Variants in DDHD1 observed in about 807,000 individuals in gnomAD.
The protein encoded by DDHD1 is phospholipase DDHD1.
In DDHD1, 49 loss-of-function variants were observed where a neutral mutation model predicts 96.4. The observed-to-expected ratio is 0.51, with a 90% confidence interval of 0.40 to 0.64. The LOEUF is 0.64. DDHD1 is among the 30% of genes least tolerant of loss of function. DDHD1 has a pLI of 0.00. For synonymous variants in DDHD1, 442 were observed against 446.5 expected, an observed-to-expected ratio of 0.99 and a Z score of 0.13; for missense variants, 1,106 against 1,161.2, an observed-to-expected ratio of 0.95 and a Z score of 0.69.
intron 4 of DDHD1, among the ~76,000 whole-genome samples, chr14:53,090,917 G>A (rs1358326075): frequency 6.6e-6 from 1 of 151,932 alleles, no homozygotes; most frequent in African/African-American, 2.4e-5. Context: ...TCCGTTAGCT[G>A]GCATTAAGAG....
Position 53,087,199 on chromosome 14 carries a change from T to C in DDHD1, c.1289+4586A>G, listed in dbSNP as rs138285425. On this transcript the variant is annotated intron_variant, in intron 4 of 12. Transcript: ENST00000673822. ...CCCTACAAAGAGACTTAGACTCCCA[T>C]AGAATAATAATGGGAGACTTTAACA... Among the ~76,000 whole-genome samples, 427 of 151,904 alleles carry C rather than the reference T, an allele frequency of 2.8e-3. 4 individuals carry two copies. The highest frequency in any genetic ancestry group is 9.9e-3 in the African/African-American group (411 of 41,408).
In DDHD1 at chr14:53,056,088, A is replaced by G. The variant is rs1959352; in HGVS notation, c.1993-176T>C. 0.87 allele frequency among the ~76,000 whole-genome samples: 133,121 copies of G among 152,140 alleles called. 58,319 individuals are homozygous for G. The highest frequency in any genetic ancestry group is 0.98 in the East Asian group (5,088 of 5,184). ...TTTGTTCACTGTTAATATGCACTTG[A>G]TCTAATGATGAGATTATGAAAAACA... On this transcript the variant is annotated intron_variant, in intron 9 of 12. Coordinates refer to ENST00000673822, the MANE Select transcript of DDHD1 (RefSeq NM_001160148.2).
At chr14:53,139,090 A>ACAC (rs1491184035) in intron 1 of DDHD1, among the ~76,000 whole-genome samples, 16 of 142,068 alleles carry the variant, frequency 1.1e-4, no homozygotes, top group African/African-American at 3.7e-4. Flanking sequence ...AAAAAAAAAA[A>ACAC]CCACACCCAC....
chr14:53,106,872 GT>G (rs1887725778), intron 1 of DDHD1, among the ~76,000 whole-genome samples: 1 of 152,128 alleles, frequency 6.6e-6, no homozygotes, highest in Non-Finnish European at 1.5e-5. Context: ...TTGAGTTATG[GT>G]TTAATTAGTT....
At position 53,061,233 on chromosome 14, in the gene DDHD1, C is replaced by T. The variant is rs571118016; in HGVS notation, c.1767-32G>A. The T allele has an allele frequency of 2.1e-5, 33 of 1,548,348 alleles. 1 individual carries two copies. In the South Asian group the frequency reaches 2.7e-4, roughly 13 times the overall value. On this transcript the variant is annotated intron_variant, in intron 7 of 12. Transcript: ENST00000673822. ...AGGGGTATGAGATTATATACACACA[C>T]GTATTTATAATTTCATAAATATTAG...
intron 12 of DDHD1, among the ~76,000 whole-genome samples, chr14:53,047,830 T>C (rs959567784): frequency 1.3e-5 from 2 of 152,176 alleles, no homozygotes; most frequent in East Asian, 1.9e-4. Flanking sequence ...CTTAAGAATA[T>C]GACATTTTGA....
intron 2 of DDHD1, among the ~76,000 whole-genome samples, chr14:53,100,144 T>C (rs1458457342): frequency 1.3e-5 from 2 of 152,064 alleles, no homozygotes; most frequent in South Asian, 2.1e-4. Flanking sequence ...CATCACATAG[T>C]ATTAGGTATC....
At chr14:53,116,867 C>A (rs997478048) in intron 1 of DDHD1, among the ~76,000 whole-genome samples, 2 of 151,878 alleles carry the variant, frequency 1.3e-5, no homozygotes, top group African/African-American at 4.8e-5. Flanking sequence ...AGAAATAGAG[C>A]AGAACTAAAG....
At chr14:53,140,980 T>C (rs1890604345) in intron 1 of DDHD1, among the ~76,000 whole-genome samples, 3 of 152,202 alleles carry the variant, frequency 2.0e-5, no homozygotes, top group East Asian at 1.9e-4. Flanking sequence ...AAGGGGGATA[T>C]TTCAAAGTGA....
At chr14:53,093,516 T>C in intron 2 of DDHD1, 72 bp from the exon 3 acceptor site, 1 of 1,551,588 alleles carries the variant, frequency 6.4e-7, no homozygotes, top group East Asian at 2.3e-5. Context: ...ATTATAACAC[T>C]CAGATTTTAA....
rs1272075293 is a variant in DDHD1, at chr14:53,042,905, C to T, written c.*3863G>A. Reference sequence around the variant, plus strand: ...GAAGAGCAATTTTAATACATACACTCAAATTAGTTTTCTCGATTGTCCACA... The same window carrying T: ...GAAGAGCAATTTTAATACATACACTTAAATTAGTTTTCTCGATTGTCCACA... On this transcript the variant is annotated 3_prime_UTR_variant, in exon 13 of 13. Coordinates refer to ENST00000673822, the MANE Select transcript of DDHD1 (RefSeq NM_001160148.2). The T allele has an allele frequency of 6.6e-6, 1 of 152,188 alleles. No individual in the cohort carries two copies. Among genetic ancestry groups the T allele is most frequent in the Admixed American group, 6.5e-5 (1 of 15,280 alleles). The allele number at this position is 152,188 out of a possible 1,614,324, so 9.4% of individuals were successfully genotyped here.
At chr14:53,049,657 CAAA>C (rs11323291) in intron 12 of DDHD1, among the ~76,000 whole-genome samples, 16 of 84,720 alleles carry the variant, frequency 1.9e-4, no homozygotes, top group Admixed American at 2.6e-4. Context: ...TGAGCTAGGT[CAAA>C]AAAAAAAAAA....
At chr14:53,107,020 A>G (rs529117301) in intron 1 of DDHD1, among the ~76,000 whole-genome samples, 1 of 152,274 alleles carries the variant, frequency 6.6e-6, no homozygotes, top group East Asian at 1.9e-4. Flanking sequence ...GGCTCTTATT[A>G]GATTTTTATT....
intron 6 of DDHD1, among the ~76,000 whole-genome samples, chr14:53,067,274 T>C (rs1399489493): frequency 6.6e-6 from 1 of 151,824 alleles, no homozygotes; most frequent in Non-Finnish European, 1.5e-5. Context: ...TTCTTCTGCC[T>C]TACCCTCACC....
chr14:53,066,005 G>A (rs567250399), intron 6 of DDHD1, among the ~76,000 whole-genome samples: 1 of 152,158 alleles, frequency 6.6e-6, no homozygotes, highest in Admixed American at 6.5e-5. Flanking sequence ...GAATTGTACC[G>A]GAAACTTTAT....
intron 1 of DDHD1, among the ~76,000 whole-genome samples, chr14:53,135,730 G>T (rs1040537832): frequency 6.6e-6 from 1 of 152,214 alleles, no homozygotes; most frequent in Non-Finnish European, 1.5e-5. Context: ...AGTTAAACTG[G>T]AAGAACAGAC....
intron 1 of DDHD1, among the ~76,000 whole-genome samples, chr14:53,112,192 G>A (rs556316044): frequency 5.3e-5 from 8 of 152,170 alleles, no homozygotes; most frequent in Non-Finnish European, 7.4e-5. Context: ...CGAAGTGGGC[G>A]GATCATGAGG....
At chr14:53,111,403 T>C (rs552837621) in intron 1 of DDHD1, among the ~76,000 whole-genome samples, 16 of 152,186 alleles carry the variant, frequency 1.1e-4, no homozygotes. Context: ...TTTTTAACAG[T>C]AGCTAGGACT....
At chr14:53,113,390 C>CAAAAAAAAAAAAAAA (rs60704615) in intron 1 of DDHD1, among the ~76,000 whole-genome samples, 1 of 118,268 alleles carries the variant, frequency 8.5e-6, no homozygotes, top group African/African-American at 3.9e-5. Flanking sequence ...CTGTACAAGC[C>CAAAAAAAAAAAAAAA]AAAAAAAAAA....
Sources: allele counts gnomAD v4.1 joint callset (sites outside exome capture counted in the v4.1 genomes callset), GRCh38; gene constraint gnomAD v4.1.1; transcripts MANE v1.5; gene names NCBI Gene and HGNC (gene_info 2026-07-23, HGNC 2026-07-21).